The following GALNT13 variants were observed in gnomAD, a reference collection of about 807,000 sequenced individuals.
GALNT13 encodes UDP-GalNAc:polypeptide N-acetylgalactosaminyltransferase 13.
GALNT13 carries 28 observed loss-of-function variants against 64.2 expected under a neutral mutation model. The ratio of observed to expected loss-of-function variants is 0.44; its 90% CI spans 0.32 to 0.60. GALNT13 has a LOEUF of 0.60. Among genes scored for constraint, GALNT13 ranks in the 20% least tolerant of loss-of-function variants. The pLI is 0.05. For synonymous variants in GALNT13, 214 were observed against 224.6 expected (o/e 0.95, Z 0.42); for missense variants, 577 against 669.8 (o/e 0.86, Z 1.53).
At chr2:154,381,107 C>G (rs1330832932) in intron 9 of GALNT13, among the ~76,000 whole-genome samples, 1 of 152,040 alleles carries the variant, frequency 6.6e-6, no homozygotes, top group East Asian at 1.9e-4. Flanking sequence ...TACCTACACT[C>G]AAGGGCAAGG....
chr2:153,215,487 C>A, the GALNT13 span, among the ~76,000 whole-genome samples: 1 of 152,094 alleles, frequency 6.6e-6, no homozygotes. Context: ...AAAATGAGAT[C>A]TATTTGTCTA....
intron 8 of GALNT13, chr2:154,286,499 A>G (rs1011160099): frequency 2.6e-5 from 4 of 153,922 alleles, no homozygotes; most frequent in African/African-American, 7.2e-5. Flanking sequence ...TATTCAACCT[A>G]AAGGAAAAGA....
In GALNT13 at chr2:154,443,579, A is replaced by G. The variant is rs947762671; in HGVS notation, c.1530+4853A>G. ...TGTGCGATTGGCTCTTAAATCAACT[A>G]TGCAGTCAGTTCATTAAAATATCTA... On this transcript the variant is annotated intron_variant, in intron 12 of 12. Coordinates refer to ENST00000392825, the MANE Select transcript of GALNT13 (RefSeq NM_052917.4). Among the ~76,000 whole-genome samples the G allele has an allele frequency of 5.5e-4, 83 of 152,152 alleles. 1 individual carries two copies. Among genetic ancestry groups the G allele is most frequent in the African/African-American group, 1.8e-3 (73 of 41,524 alleles).
the GALNT13 span, among the ~76,000 whole-genome samples, chr2:153,548,348 T>A: frequency 9.2e-5 from 14 of 152,336 alleles, no homozygotes; most frequent in South Asian, 6.2e-4. Context: ...CAGGCCAATA[T>A]TAAGCAAAAT....
chr2:153,411,964 C>T, the GALNT13 span, among the ~76,000 whole-genome samples: 1 of 152,182 alleles, frequency 6.6e-6, no homozygotes, highest in Non-Finnish European at 1.5e-5. Context: ...TACCCTTAAT[C>T]TGCTCGGCAC....
chr2:154,408,009 A>G (rs1559138788), intron 10 of GALNT13, among the ~76,000 whole-genome samples: 1 of 152,130 alleles, frequency 6.6e-6, no homozygotes, highest in African/African-American at 2.4e-5. Flanking sequence ...ATAAGTAAAT[A>G]TATGTGTCCA....
chr2:153,462,890 T>C, the GALNT13 span, among the ~76,000 whole-genome samples: 2 of 152,158 alleles, frequency 1.3e-5, no homozygotes, highest in African/African-American at 4.8e-5. Context: ...CACTGGCATA[T>C]AAACAGTAGC....
chr2:153,716,433 C>G, the GALNT13 span, among the ~76,000 whole-genome samples: 2 of 152,024 alleles, frequency 1.3e-5, no homozygotes, highest in Non-Finnish European at 2.9e-5. Context: ...CTTCTCCTTC[C>G]AGTGTGGCCC....
At chr2:153,653,415 G>T in the GALNT13 span, among the ~76,000 whole-genome samples, 2 of 152,186 alleles carry the variant, frequency 1.3e-5, no homozygotes, top group Admixed American at 1.3e-4. Flanking sequence ...CCATGACCTT[G>T]AGTGAGAAAT....
intron 4 of GALNT13, among the ~76,000 whole-genome samples, chr2:154,233,261 C>A (rs962527845): frequency 6.6e-6 from 1 of 151,994 alleles, no homozygotes; most frequent in Non-Finnish European, 1.5e-5. Context: ...GGAATCTGGA[C>A]TTAAGTAGTT....
chr2:153,406,020 G>C, the GALNT13 span, among the ~76,000 whole-genome samples: 2 of 152,130 alleles, frequency 1.3e-5, no homozygotes, highest in African/African-American at 4.8e-5. Flanking sequence ...CCTGATCCCT[G>C]AACTAGAGAA....
the GALNT13 span, among the ~76,000 whole-genome samples, chr2:153,334,121 C>T: frequency 6.6e-6 from 1 of 152,114 alleles, no homozygotes; most frequent in Non-Finnish European, 1.5e-5. Flanking sequence ...ATCTGATATA[C>T]TGAAGACATT....
the GALNT13 span, among the ~76,000 whole-genome samples, chr2:153,102,905 G>T: frequency 6.6e-6 from 1 of 152,214 alleles, no homozygotes; most frequent in Admixed American, 6.6e-5. Flanking sequence ...ATGTGATAAG[G>T]GTGGAGCTAG....
At chr2:153,495,988 G>T in the GALNT13 span, among the ~76,000 whole-genome samples, 78,444 of 151,930 alleles carry the variant, frequency 0.52, 21,842 homozygotes, top group East Asian at 0.73. Flanking sequence ...GTTCCTACTG[G>T]CTGAACTGAC....
chr2:153,141,512 A>G, the GALNT13 span, among the ~76,000 whole-genome samples: 1 of 151,974 alleles, frequency 6.6e-6, no homozygotes, highest in Non-Finnish European at 1.5e-5. Flanking sequence ...TGCAATACAG[A>G]TGGTGGATAG....
chr2:153,193,343 A>G, the GALNT13 span, among the ~76,000 whole-genome samples: 2 of 150,152 alleles, frequency 1.3e-5, no homozygotes, highest in African/African-American at 4.9e-5. Flanking sequence ...AACTATCGCA[A>G]GAACAAAAAA....
intron 9 of GALNT13, among the ~76,000 whole-genome samples, chr2:154,392,595 T>C (rs1051127282): frequency 6.6e-6 from 1 of 152,206 alleles, no homozygotes; most frequent in Admixed American, 6.5e-5. Context: ...TGTGGGACAA[T>C]TGGGCTGGTT....
chr2:154,350,969 TTGA>T (rs1696363438), intron 9 of GALNT13, among the ~76,000 whole-genome samples: 1 of 152,182 alleles, frequency 6.6e-6, no homozygotes, highest in South Asian at 2.1e-4. Context: ...AGTAAACAGT[TTGA>T]TGTTGATGAA....
At chr2:153,997,377 T>C (rs763207870) in intron 3 of GALNT13, among the ~76,000 whole-genome samples, 5 of 152,146 alleles carry the variant, frequency 3.3e-5, no homozygotes, top group Non-Finnish European at 5.9e-5. Context: ...ATAGTTTTTG[T>C]TGTAGTGATC....
Sources: gnomAD v4.1 joint callset for allele counts (sites outside exome capture counted in the v4.1 genomes callset) on GRCh38, gnomAD v4.1.1 for gene constraint, MANE v1.5 for transcripts, NCBI Gene and HGNC (gene_info 2026-07-23, HGNC 2026-07-21) for gene names.